RIMS2: variants seen among roughly 807,000 people sequenced by gnomAD.
RIMS2 encodes the protein regulating synaptic membrane exocytosis protein 2.
RIMS2 carries 59 observed loss-of-function variants against 174.4 expected under a neutral mutation model. The ratio of observed to expected loss-of-function variants is 0.34; its 90% CI spans 0.27 to 0.42. The LOEUF is 0.42. Among genes scored for constraint, RIMS2 ranks in the 10% least tolerant of loss-of-function variants. The pLI is 1.00. For synonymous variants in RIMS2, 606 were observed against 572.5 expected, an observed-to-expected ratio of 1.06 and a Z score of -0.84; for missense variants, 1,620 against 1,666.3, an observed-to-expected ratio of 0.97 and a Z score of 0.48.
chr8:103,683,545 C>T (rs1384159589), intron 1 of RIMS2, among the ~76,000 whole-genome samples: 1 of 152,256 alleles, frequency 6.6e-6, no homozygotes, highest in East Asian at 1.9e-4. Flanking sequence ...CATAGCACTT[C>T]GTAAATTGTC....
At chr8:103,558,655 C>CT (rs2090992725) in intron 1 of RIMS2, among the ~76,000 whole-genome samples, 1 of 151,686 alleles carries the variant, frequency 6.6e-6, no homozygotes, top group African/African-American at 2.4e-5. Flanking sequence ...GTTGGTTTTG[C>CT]TTTTTTTAAA....
intron 1 of RIMS2, among the ~76,000 whole-genome samples, chr8:103,588,244 T>C (rs1182358714): frequency 6.6e-6 from 1 of 151,260 alleles, no homozygotes; most frequent in Admixed American, 6.6e-5. Flanking sequence ...AAGAAAAAAA[T>C]TAAAGAGGAC....
At chr8:103,679,459 A>T (rs1211192175) in intron 1 of RIMS2, among the ~76,000 whole-genome samples, 1 of 152,056 alleles carries the variant, frequency 6.6e-6, no homozygotes, top group African/African-American at 2.4e-5. Context: ...TTTTTAAAAG[A>T]TTACTTTAAA....
At chr8:104,158,920 T>C (rs1173135917) in intron 19 of RIMS2, among the ~76,000 whole-genome samples, 2 of 152,334 alleles carry the variant, frequency 1.3e-5, no homozygotes, top group East Asian at 3.9e-4. Flanking sequence ...TTTGTCTATT[T>C]TGCGTTTTGT....
intron 14 of RIMS2, among the ~76,000 whole-genome samples, chr8:103,949,411 CGA>C (rs1301419913): frequency 4.6e-5 from 7 of 151,982 alleles, no homozygotes; most frequent in Non-Finnish European, 1.0e-4. Flanking sequence ...AAACAAGTAT[CGA>C]TAAGTTTAAA....
At chr8:103,531,382 T>C (rs569495194) in intron 1 of RIMS2, among the ~76,000 whole-genome samples, 1 of 152,326 alleles carries the variant, frequency 6.6e-6, no homozygotes, top group African/African-American at 2.4e-5. Flanking sequence ...TAGGAATCAA[T>C]AAATCATCTT....
chr8:103,921,634 C>T lies in RIMS2; in HGVS notation c.2084-38C>T, dbSNP rs779131756. 2.8e-5 allele frequency: 23 copies of T among 820,588 alleles called. 2 individuals carry two copies. The highest frequency in any genetic ancestry group is 2.7e-4 in the South Asian group (20 of 74,564). The allele number at this position is 820,588 out of a possible 1,614,324, so 50.8% of individuals were successfully genotyped here. On this transcript the variant is annotated intron_variant, in intron 9 of 23. Transcript: ENST00000504942. The stretch of plus-strand genomic sequence containing the variant: ...AAACTTACTAAATACTTGTGAAGAG[C>T]CATTGTTATTATTCGTTATGTGTAA...
intron 19 of RIMS2, among the ~76,000 whole-genome samples, chr8:104,098,709 A>G (rs2097805258): frequency 6.6e-6 from 1 of 152,134 alleles, no homozygotes; most frequent in South Asian, 2.1e-4. Context: ...TCAATTATCT[A>G]GCAAAAGATC....
chr8:103,831,192 T>C (rs2098823578), intron 3 of RIMS2, among the ~76,000 whole-genome samples: 1 of 152,196 alleles, frequency 6.6e-6, no homozygotes. Context: ...TGTGTATAAG[T>C]CTTATTAATA....
chr8:103,657,989 C>A (rs894161628), intron 1 of RIMS2, among the ~76,000 whole-genome samples: 1 of 152,174 alleles, frequency 6.6e-6, no homozygotes, highest in East Asian at 1.9e-4. Flanking sequence ...AGGATTAACT[C>A]TTTCAGGTTC....
intron 3 of RIMS2, among the ~76,000 whole-genome samples, chr8:103,787,809 C>T (rs371825332): frequency 6.6e-6 from 1 of 152,050 alleles, no homozygotes; most frequent in Non-Finnish European, 1.5e-5. Context: ...TGAATCTGAA[C>T]GTTGGCCTGC....
intron 19 of RIMS2, among the ~76,000 whole-genome samples, chr8:104,031,937 A>G (rs150559706): frequency 1.0e-3 from 154 of 152,120 alleles, no homozygotes; most frequent in African/African-American, 3.5e-3. Context: ...TTATTTCAAG[A>G]TTTGTTTAGA....
chr8:103,707,852 C>T (rs1487211892), intron 2 of RIMS2, among the ~76,000 whole-genome samples: 1 of 152,204 alleles, frequency 6.6e-6, no homozygotes, highest in African/African-American at 2.4e-5. Flanking sequence ...GTTTGTACTG[C>T]CAGGGCAACA....
chr8:103,819,255 T>A, intron 3 of RIMS2: 1 of 1,299,862 alleles, frequency 7.7e-7, no homozygotes, highest in Non-Finnish European at 9.8e-7. Context: ...AGCTTACTGC[T>A]GTTTAGAATT....
At chr8:103,601,607 T>G (rs544460472) in intron 1 of RIMS2, among the ~76,000 whole-genome samples, 1 of 152,162 alleles carries the variant, frequency 6.6e-6, no homozygotes, top group Admixed American at 6.5e-5. Flanking sequence ...GGAGTTTTTT[T>G]TTCATCTATT....
At chr8:103,802,176 C>T (rs1180994944) in intron 3 of RIMS2, among the ~76,000 whole-genome samples, 2 of 152,100 alleles carry the variant, frequency 1.3e-5, no homozygotes, top group Non-Finnish European at 2.9e-5. Flanking sequence ...TTTTGAGCCT[C>T]TTTAATTTAT....
At chr8:104,065,865 G>C (rs1401974119) in intron 19 of RIMS2, among the ~76,000 whole-genome samples, 1 of 152,118 alleles carries the variant, frequency 6.6e-6, no homozygotes, top group East Asian at 1.9e-4. Flanking sequence ...TATTTAAATG[G>C]TTAGAAAGCT....
intron 19 of RIMS2, chr8:104,094,755 TC>T: frequency 1.6e-6 from 1 of 643,558 alleles, no homozygotes; most frequent in South Asian, 1.9e-5. Flanking sequence ...TGTAGGCATT[TC>T]CCATTAGTAA....
chr8:103,535,832 A>G (rs758746169), intron 1 of RIMS2, among the ~76,000 whole-genome samples: 11 of 152,236 alleles, frequency 7.2e-5, no homozygotes, highest in Admixed American at 6.5e-4. Flanking sequence ...ACATGTATAG[A>G]GCAGTAGGCA....
Sources: allele counts gnomAD v4.1 joint callset (sites outside exome capture counted in the v4.1 genomes callset), GRCh38; gene constraint gnomAD v4.1.1; transcripts MANE v1.5; gene names NCBI Gene and HGNC (gene_info 2026-07-23, HGNC 2026-07-21).